Variants in SMYD3 observed in about 807,000 individuals in gnomAD.
The protein encoded by SMYD3 is histone-lysine N-methyltransferase SMYD3.
In SMYD3, 36 loss-of-function variants were observed where a neutral mutation model predicts 57.7. That is an observed-to-expected ratio of 0.62 (90% CI 0.48 to 0.82). The LOEUF (loss-of-function observed/expected upper bound fraction) is 0.82. Ranked by LOEUF, SMYD3 falls within the 40% of genes least tolerant of loss-of-function variation. The pLI is 0.00. For missense variants in SMYD3, 515 were observed against 538.8 expected (o/e 0.96, Z 0.44); for synonymous variants, 211 against 195.0 (o/e 1.08, Z -0.68).
At chr1:246,066,361 T>A (rs934960105) in intron 5 of SMYD3, among the ~76,000 whole-genome samples, 5 of 152,200 alleles carry the variant, frequency 3.3e-5, no homozygotes, top group Non-Finnish European at 5.9e-5. Flanking sequence ...AAACAAGACA[T>A]TTAGAAAGCT....
At chr1:246,504,553 G>A (rs1396186469) in intron 1 of SMYD3, among the ~76,000 whole-genome samples, 1 of 152,180 alleles carries the variant, frequency 6.6e-6, no homozygotes, top group Non-Finnish European at 1.5e-5. Context: ...TGACCAAAAT[G>A]TCGTTATGCA....
At chr1:246,328,817 T>C (rs895188354) in intron 4 of SMYD3, among the ~76,000 whole-genome samples, 2 of 152,118 alleles carry the variant, frequency 1.3e-5, no homozygotes, top group African/African-American at 4.8e-5. Context: ...ATTAGATATA[T>C]ATACTAATGC....
At chr1:245,773,090 T>TAAAAAAA (rs34679948) in intron 10 of SMYD3, among the ~76,000 whole-genome samples, 2 of 86,262 alleles carry the variant, frequency 2.3e-5, no homozygotes, top group Admixed American at 1.2e-4. Context: ...GGAGAATCAC[T>TAAAAAAA]AAAAAAAAAA....
At chr1:246,420,196 CAAAA>C (rs58293193) in intron 1 of SMYD3, among the ~76,000 whole-genome samples, 1 of 112,540 alleles carries the variant, frequency 8.9e-6, no homozygotes, top group Non-Finnish European at 1.9e-5. Flanking sequence ...AAGACTGTCT[CAAAA>C]AAAAAAAAAA....
chr1:246,110,564 C>T (rs1283091243), intron 5 of SMYD3, among the ~76,000 whole-genome samples: 1 of 152,200 alleles, frequency 6.6e-6, no homozygotes, highest in Non-Finnish European at 1.5e-5. Flanking sequence ...TCCCTCTGAG[C>T]GCAAGCAAGC....
chr1:245,900,390 T>C (rs115560284), intron 8 of SMYD3, among the ~76,000 whole-genome samples: 2,106 of 152,320 alleles, frequency 0.014, 26 homozygotes, highest in Middle Eastern at 0.034. Context: ...GGTCTTCCCT[T>C]TGCTCTTTGC....
chr1:246,282,548 C>CAAA (rs34605656), intron 5 of SMYD3, among the ~76,000 whole-genome samples: 2 of 146,154 alleles, frequency 1.4e-5, no homozygotes, highest in African/African-American at 5.0e-5. Context: ...TTATTTGTTC[C>CAAA]AAAAAAAAAA....
At chr1:246,488,779 T>G (rs1165983463) in intron 1 of SMYD3, among the ~76,000 whole-genome samples, 9 of 152,210 alleles carry the variant, frequency 5.9e-5, no homozygotes, top group Non-Finnish European at 1.0e-4. Flanking sequence ...AGCCCTAGTG[T>G]CCTCAAACTT....
At chr1:246,404,248 G>T (rs6665003) in intron 1 of SMYD3, among the ~76,000 whole-genome samples, 1 of 152,024 alleles carries the variant, frequency 6.6e-6, no homozygotes, top group Non-Finnish European at 1.5e-5. Context: ...GTTTTTGTGT[G>T]TTGAGGCCTT....
intron 5 of SMYD3, among the ~76,000 whole-genome samples, chr1:246,296,845 T>G (rs2064803854): frequency 6.6e-6 from 1 of 152,222 alleles, no homozygotes; most frequent in South Asian, 2.1e-4. Flanking sequence ...ATTATTGTAC[T>G]ATACTTAGTA....
intron 10 of SMYD3, among the ~76,000 whole-genome samples, chr1:245,770,669 T>C (rs908264512): frequency 2.6e-5 from 4 of 152,152 alleles, no homozygotes; most frequent in South Asian, 2.1e-4. Flanking sequence ...AAGAACAATA[T>C]AGACAGTGAC....
intron 10 of SMYD3, among the ~76,000 whole-genome samples, chr1:245,852,738 A>G (rs2051040336): frequency 6.6e-6 from 1 of 152,166 alleles, no homozygotes; most frequent in Admixed American, 6.5e-5. Flanking sequence ...TGCATTAAGA[A>G]AGTCTTTCAG....
intron 8 of SMYD3, among the ~76,000 whole-genome samples, chr1:245,913,270 C>A (rs964091456): frequency 1.2e-4 from 18 of 151,540 alleles, no homozygotes; most frequent in African/African-American, 4.4e-4. Flanking sequence ...GGACAAAAAA[C>A]CAAACACCAC....
intron 1 of SMYD3, among the ~76,000 whole-genome samples, chr1:246,376,192 A>G (rs1049057099): frequency 6.6e-6 from 1 of 152,214 alleles, no homozygotes; most frequent in African/African-American, 2.4e-5. Flanking sequence ...AGTATTACAT[A>G]TATATACACA....
chr1:245,919,179 C>T (rs1038649196), intron 7 of SMYD3, among the ~76,000 whole-genome samples: 1 of 152,174 alleles, frequency 6.6e-6, no homozygotes, highest in Non-Finnish European at 1.5e-5. Flanking sequence ...GAGAGATCTT[C>T]CTAAAACTCA....
chr1:245,906,508 T>A (rs1323542223), intron 8 of SMYD3, among the ~76,000 whole-genome samples: 1 of 152,156 alleles, frequency 6.6e-6, no homozygotes, highest in Non-Finnish European at 1.5e-5. Flanking sequence ...CTGGTGAGGA[T>A]GTGGAGAAAA....
intron 5 of SMYD3, among the ~76,000 whole-genome samples, chr1:246,099,908 T>C (rs1211668327): frequency 2.0e-5 from 3 of 152,246 alleles, no homozygotes; most frequent in South Asian, 2.1e-4. Flanking sequence ...CCAGCACTGA[T>C]ATGCAGCTTT....
chr1:245,926,069 G>C (rs769979570), intron 7 of SMYD3, among the ~76,000 whole-genome samples: 1 of 152,192 alleles, frequency 6.6e-6, no homozygotes, highest in Non-Finnish European at 1.5e-5. Context: ...TAACATGGCA[G>C]AGGGCGTCAC....
At chr1:246,376,021 C>T (rs1052223135) in intron 1 of SMYD3, among the ~76,000 whole-genome samples, 2 of 152,132 alleles carry the variant, frequency 1.3e-5, no homozygotes, top group African/African-American at 4.8e-5. Context: ...TCAGCCACCA[C>T]ACTTGGCCTT....
Sources: gnomAD v4.1 joint callset for allele counts (sites outside exome capture counted in the v4.1 genomes callset) on GRCh38, gnomAD v4.1.1 for gene constraint, MANE v1.5 for transcripts, NCBI Gene and HGNC (gene_info 2026-07-23, HGNC 2026-07-21) for gene names.